The following GABBR2 variants were observed in gnomAD, a reference collection of about 807,000 sequenced individuals.
The protein encoded by GABBR2 is gamma-aminobutyric acid type B receptor subunit 2, also known as G-protein coupled receptor 51.
GABBR2 carries 23 observed loss-of-function variants against 105.6 expected under a neutral mutation model. The ratio of observed to expected loss-of-function variants is 0.22; its 90% CI spans 0.16 to 0.31. The LOEUF is 0.31. GABBR2 is among the 10% of genes least tolerant of loss of function. The pLI, the probability that GABBR2 is intolerant of heterozygous loss-of-function variation, is 1.00. For missense variants in GABBR2, 734 were observed against 1,245.5 expected, an observed-to-expected ratio of 0.59 and a Z score of 6.18; for synonymous variants, 478 against 499.7, an observed-to-expected ratio of 0.96 and a Z score of 0.58.
intron 1 of GABBR2, among the ~76,000 whole-genome samples, chr9:98,692,241 G>T (rs550000810): frequency 6.6e-6 from 1 of 152,128 alleles, no homozygotes; most frequent in African/African-American, 2.4e-5. Context: ...GGCCCAGGGC[G>T]TGGCAGGAGG....
intron 1 of GABBR2, among the ~76,000 whole-genome samples, chr9:98,683,992 A>G (rs1445921350): frequency 1.6e-5 from 2 of 121,384 alleles, no homozygotes; most frequent in Non-Finnish European, 3.2e-5. Context: ...TGGGCGACAG[A>G]GCGAGACTCC....
At chr9:98,534,926 G>A (rs796730177) in intron 3 of GABBR2, among the ~76,000 whole-genome samples, 2 of 152,188 alleles carry the variant, frequency 1.3e-5, no homozygotes, top group Non-Finnish European at 2.9e-5. Context: ...CCTGCGCATG[G>A]ATGTTTAGAG....
intron 12 of GABBR2, among the ~76,000 whole-genome samples, chr9:98,363,665 C>T (rs1218679786): frequency 6.6e-6 from 1 of 152,078 alleles, no homozygotes; most frequent in Admixed American, 6.5e-5. Context: ...CAGCACCTAC[C>T]GGGGCCTGGT....
At chr9:98,504,290 G>C (rs1444107311) in intron 3 of GABBR2, among the ~76,000 whole-genome samples, 1 of 152,224 alleles carries the variant, frequency 6.6e-6, no homozygotes, top group Non-Finnish European at 1.5e-5. Flanking sequence ...ACTGCATTCA[G>C]ACCACGTGTC....
intron 14 of GABBR2, among the ~76,000 whole-genome samples, chr9:98,310,752 C>T (rs1427092848): frequency 6.6e-6 from 1 of 152,166 alleles, no homozygotes; most frequent in Non-Finnish European, 1.5e-5. Flanking sequence ...TGGATGTCGG[C>T]AGACTGCTCT....
chr9:98,399,477 C>A (rs570705377), intron 8 of GABBR2, among the ~76,000 whole-genome samples: 2 of 152,096 alleles, frequency 1.3e-5, no homozygotes. Flanking sequence ...TCACTTATCA[C>A]GCATCACACT....
intron 1 of GABBR2, among the ~76,000 whole-genome samples, chr9:98,684,007 CAAAAAAAAAAAAAAAAAA>C (rs367642589): frequency 2.8e-5 from 3 of 105,932 alleles, no homozygotes; most frequent in Non-Finnish European, 5.7e-5. Context: ...GACTCCATCT[CAAAAAAAAAAAAAAAAAA>C]AAAAAAAAAA....
intron 13 of GABBR2, among the ~76,000 whole-genome samples, chr9:98,336,883 T>C (rs1831125363): frequency 6.6e-6 from 1 of 152,158 alleles, no homozygotes; most frequent in African/African-American, 2.4e-5. Context: ...TATAAGTAGG[T>C]TGAAAGTCTA....
At chr9:98,593,088 C>T (rs1468397093) in intron 1 of GABBR2, among the ~76,000 whole-genome samples, 1 of 152,102 alleles carries the variant, frequency 6.6e-6, no homozygotes, top group African/African-American at 2.4e-5. Flanking sequence ...TCAAGCGAGC[C>T]TCCCACCTAG....
intron 2 of GABBR2, among the ~76,000 whole-genome samples, chr9:98,553,379 A>C (rs1588225725): frequency 6.6e-6 from 1 of 152,100 alleles, no homozygotes; most frequent in African/African-American, 2.4e-5. Context: ...GGATTGCCTG[A>C]GGCCAGGAGT....
chr9:98,549,878 G>A (rs968432367), intron 2 of GABBR2, among the ~76,000 whole-genome samples: 10 of 152,080 alleles, frequency 6.6e-5, no homozygotes, highest in Admixed American at 6.5e-5. Flanking sequence ...CCCAATCTAC[G>A]ACCAGACCAC....
intron 7 of GABBR2, among the ~76,000 whole-genome samples, chr9:98,416,219 C>A (rs1420172434): frequency 6.6e-6 from 1 of 152,184 alleles, no homozygotes; most frequent in African/African-American, 2.4e-5. Context: ...CTGGCTCCAG[C>A]ACACCCATAA....
chr9:98,428,355 C>T (rs1825736209), intron 7 of GABBR2, among the ~76,000 whole-genome samples: 1 of 152,188 alleles, frequency 6.6e-6, no homozygotes. Flanking sequence ...ACAGGTATTT[C>T]AGGAGACGCA....
chr9:98,361,589 T>C (rs567930428), intron 13 of GABBR2, among the ~76,000 whole-genome samples: 1 of 152,160 alleles, frequency 6.6e-6, no homozygotes, highest in African/African-American at 2.4e-5. Context: ...GCAGGGTGAA[T>C]GGTGACCAGA....
At chr9:98,695,845 C>T (rs1403801672) in intron 1 of GABBR2, among the ~76,000 whole-genome samples, 1 of 152,148 alleles carries the variant, frequency 6.6e-6, no homozygotes, top group African/African-American at 2.4e-5. Flanking sequence ...GCTGTCTCCC[C>T]CACACCCCAC....
At chr9:98,689,118 T>G (rs1047977946) in intron 1 of GABBR2, among the ~76,000 whole-genome samples, 1 of 152,210 alleles carries the variant, frequency 6.6e-6, no homozygotes, top group Non-Finnish European at 1.5e-5. Flanking sequence ...GGCCTCAGTT[T>G]TCTCATGTGT....
intron 6 of GABBR2, among the ~76,000 whole-genome samples, chr9:98,466,598 CTA>C (rs1267272370): frequency 6.6e-6 from 1 of 151,580 alleles, no homozygotes; most frequent in Non-Finnish European, 1.5e-5. Context: ...TGAGCACCTA[CTA>C]TGTGTTTGCA....
At chr9:98,465,920 C>T (rs927386910) in intron 6 of GABBR2, among the ~76,000 whole-genome samples, 4 of 152,180 alleles carry the variant, frequency 2.6e-5, no homozygotes, top group Admixed American at 1.3e-4. Flanking sequence ...GGAGGAGGAG[C>T]GGCCTGCTGG....
At chr9:98,317,933 A>T (rs1311824049) in intron 13 of GABBR2, among the ~76,000 whole-genome samples, 1 of 142,604 alleles carries the variant, frequency 7.0e-6, no homozygotes, top group African/African-American at 3.1e-5. Context: ...GTTTCAGATC[A>T]GGTAGCCTGG....
Sources: gnomAD v4.1 joint callset for allele counts (sites outside exome capture counted in the v4.1 genomes callset) on GRCh38, gnomAD v4.1.1 for gene constraint, MANE v1.5 for transcripts, NCBI Gene and HGNC (gene_info 2026-07-23, HGNC 2026-07-21) for gene names.